The following NEO1 variants were observed in gnomAD, a reference collection of about 807,000 sequenced individuals.
NEO1 encodes the protein neogenin 1, also known as neogenin.
NEO1 carries 63 observed loss-of-function variants against 159.7 expected under a neutral mutation model. That is an observed-to-expected ratio of 0.39 (90% CI 0.32 to 0.49). The LOEUF is 0.49. NEO1 is among the 20% of genes least tolerant of loss of function. The pLI, the probability that NEO1 is intolerant of heterozygous loss-of-function variation, is 0.85. For synonymous variants in NEO1, 633 were observed against 662.0 expected, an observed-to-expected ratio of 0.96 and a Z score of 0.67; for missense variants, 1,615 against 1,831.0, an observed-to-expected ratio of 0.88 and a Z score of 2.15.
At chr15:73,240,139 C>T (rs890894374) in intron 8 of NEO1, among the ~76,000 whole-genome samples, 2 of 152,066 alleles carry the variant, frequency 1.3e-5, no homozygotes, top group Non-Finnish European at 2.9e-5. Context: ...GTGAGATATG[C>T]GTCAATATGT....
chr15:73,079,843 A>G (rs934715911), intron 1 of NEO1, among the ~76,000 whole-genome samples: 2 of 152,244 alleles, frequency 1.3e-5, no homozygotes, highest in Non-Finnish European at 2.9e-5. Flanking sequence ...ACCTTTGCAT[A>G]TATCAAAGCA....
At chr15:73,155,023 T>C (rs1009631224) in intron 5 of NEO1, among the ~76,000 whole-genome samples, 2 of 152,178 alleles carry the variant, frequency 1.3e-5, no homozygotes, top group African/African-American at 4.8e-5. Flanking sequence ...TTGTGTTTTT[T>C]TTTTTAACTT....
At position 73,116,721 on chromosome 15, in the gene NEO1, C is replaced by T. The variant is rs1291170879; in HGVS notation, c.312C>T (p.Leu104=). 8 of 1,613,924 alleles carry T rather than the reference C, an allele frequency of 5.0e-6. No individual in the cohort carries two copies. The highest frequency in any genetic ancestry group is 6.8e-6 in the Non-Finnish European group (8 of 1,179,920). Residue 104 remains leucine, a synonymous_variant, in exon 2 of 29, where the codon CTC becomes CTT. Transcript: ENST00000261908. ...NLVSDDRRQL[L]PDGSLFISNV... ...TATCAGATGATCGACGCCAGCTTCT[C>T]CCGGATGGATCTTTATTTATCAGCA...
At chr15:73,301,749 C>T (rs751819567) in intron 28 of NEO1, among the ~76,000 whole-genome samples, 25 of 152,020 alleles carry the variant, frequency 1.6e-4, no homozygotes, top group Admixed American at 3.3e-4. Flanking sequence ...CTCACTACAA[C>T]GTCTGCGTCC....
chr15:73,092,248 A>AT (rs1394352532), intron 1 of NEO1, among the ~76,000 whole-genome samples: 1 of 152,168 alleles, frequency 6.6e-6, no homozygotes, highest in Non-Finnish European at 1.5e-5. Context: ...TGAGATAGAG[A>AT]TATCAATTTA....
chr15:73,210,151 CAA>C (rs1454939287), intron 7 of NEO1, among the ~76,000 whole-genome samples: 17 of 152,258 alleles, frequency 1.1e-4, no homozygotes, highest in East Asian at 3.9e-4. Context: ...TAAGACAAGA[CAA>C]GAGGTGGACA....
intron 28 of NEO1, among the ~76,000 whole-genome samples, chr15:73,301,882 T>C (rs1456309156): frequency 1.3e-5 from 2 of 152,214 alleles, no homozygotes; most frequent in African/African-American, 2.4e-5. Flanking sequence ...TTGGCCAGGC[T>C]GGTCTTGAAC....
chr15:73,072,919 G>A (rs1490320233), intron 1 of NEO1, among the ~76,000 whole-genome samples: 1 of 152,184 alleles, frequency 6.6e-6, no homozygotes, highest in Non-Finnish European at 1.5e-5. Flanking sequence ...GATTCCTAAG[G>A]TTCTTTAGGA....
intron 5 of NEO1, among the ~76,000 whole-genome samples, chr15:73,154,287 TTAA>T (rs2033610067): frequency 6.6e-6 from 1 of 152,196 alleles, no homozygotes; most frequent in Non-Finnish European, 1.5e-5. Context: ...CATACAATGC[TTAA>T]TAATCACATC....
In NEO1 at chr15:73,202,337, C is replaced by T. The variant is rs137913555; in HGVS notation, c.1291+23910C>T. ...GGTATTTAAACTATAATCACTAATACATGAAGATCTTCAAAAAATTATATA... is the reference window on the plus strand; with the variant it reads ...GGTATTTAAACTATAATCACTAATATATGAAGATCTTCAAAAAATTATATA... On this transcript the variant is annotated intron_variant, in intron 7 of 28. Transcript: ENST00000261908. Among the ~76,000 whole-genome samples the T allele has an allele frequency of 1.6e-4, 24 of 152,220 alleles. No homozygotes were observed. The East Asian group carries it at 4.6e-3, about 29-fold the overall frequency.
At chr15:73,218,940 T>G (rs1388879756) in intron 7 of NEO1, among the ~76,000 whole-genome samples, 2 of 152,140 alleles carry the variant, frequency 1.3e-5, no homozygotes, top group African/African-American at 2.4e-5. Context: ...TGCTCTGATT[T>G]TAGTTATTTC....
chr15:73,078,627 C>T (rs1003418797), intron 1 of NEO1, among the ~76,000 whole-genome samples: 3 of 152,186 alleles, frequency 2.0e-5, no homozygotes, highest in South Asian at 4.1e-4. Context: ...CACGGGCAAC[C>T]GTTGGTTGCA....
intron 7 of NEO1, among the ~76,000 whole-genome samples, chr15:73,227,491 A>AAAAC (rs776515325): frequency 1.3e-5 from 2 of 152,096 alleles, no homozygotes; most frequent in African/African-American, 4.8e-5. Flanking sequence ...CTCCATCTCA[A>AAAAC]AAACAAACAA....
intron 1 of NEO1, among the ~76,000 whole-genome samples, chr15:73,102,191 C>T (rs2070438440): frequency 6.6e-6 from 1 of 152,026 alleles, no homozygotes; most frequent in Non-Finnish European, 1.5e-5. Flanking sequence ...TATGGTGAAA[C>T]CCCATCTCTA....
chr15:73,274,073 T>G, intron 20 of NEO1, 68 bp downstream of exon 20: 3 of 1,425,634 alleles, frequency 2.1e-6, no homozygotes, highest in Non-Finnish European at 2.9e-6. Flanking sequence ...CACTATCACT[T>G]GAGCATATAG....
At position 73,106,592 on chromosome 15, in the gene NEO1, G is replaced by A. The variant is rs532235695; in HGVS notation, c.131-9948G>A. Among the ~76,000 whole-genome samples, 136 of 152,222 alleles carry A rather than the reference G, an allele frequency of 8.9e-4. 1 individual carries two copies. The highest frequency in any genetic ancestry group is 3.2e-3 in the African/African-American group (132 of 41,540). ...CAATAACTACATGTCACACATCACT[G>A]TCCCTATTGGATAGTGCAGATATGG... is the stretch of plus-strand genomic sequence containing the variant. On this transcript the variant is annotated intron_variant, in intron 1 of 28. Coordinates refer to ENST00000261908, the MANE Select transcript of NEO1 (RefSeq NM_002499.4).
intron 7 of NEO1, 122 bp downstream of exon 7, chr15:73,178,549 A>G (rs2035412362): frequency 9.6e-7 from 1 of 1,043,776 alleles, no homozygotes; most frequent in Admixed American, 3.3e-5. Context: ...CATAGCTAAG[A>G]GAAAAAGAAT....
chr15:73,216,165 G>A (rs2037870458), intron 7 of NEO1, among the ~76,000 whole-genome samples: 1 of 148,452 alleles, frequency 6.7e-6, no homozygotes, highest in Non-Finnish European at 1.5e-5. Context: ...TCCCACCTAT[G>A]AGTGAGAATA....
intron 22 of NEO1, among the ~76,000 whole-genome samples, chr15:73,282,457 G>A (rs565069483): frequency 2.0e-5 from 3 of 152,176 alleles, no homozygotes; most frequent in Non-Finnish European, 2.9e-5. Flanking sequence ...TTAACTCTGC[G>A]TAGGCTGTGT....
Sources: allele counts gnomAD v4.1 joint callset (sites outside exome capture counted in the v4.1 genomes callset), GRCh38; gene constraint gnomAD v4.1.1; transcripts MANE v1.5; gene names NCBI Gene and HGNC (gene_info 2026-07-23, HGNC 2026-07-21).